ARHGAP28: variants seen among roughly 807,000 people sequenced by gnomAD.
ARHGAP28 encodes the protein Rho GTPase activating protein 28, also known as rho GTPase-activating protein 28.
A neutral mutation model predicts 90.7 loss-of-function variants in ARHGAP28; 56 were observed. That is an observed-to-expected ratio of 0.62 (90% CI 0.50 to 0.77). The LOEUF (loss-of-function observed/expected upper bound fraction) is 0.77. Ranked by LOEUF, ARHGAP28 falls within the 30% of genes least tolerant of loss-of-function variation. The pLI, the probability that ARHGAP28 is intolerant of heterozygous loss-of-function variation, is 0.00. For missense variants in ARHGAP28, 869 were observed against 900.9 expected (o/e 0.96, Z 0.45); for synonymous variants, 308 against 323.3 (o/e 0.95, Z 0.51).
chr18:6,880,909 T>C (rs1464961884), intron 10 of ARHGAP28, among the ~76,000 whole-genome samples: 1 of 152,372 alleles, frequency 6.6e-6, no homozygotes, highest in East Asian at 1.9e-4. Context: ...GAGCCCACTC[T>C]ATCTCTTTCA....
At chr18:6,911,332 CTG>C (rs2057397986) in intron 17 of ARHGAP28, among the ~76,000 whole-genome samples, 1 of 152,152 alleles carries the variant, frequency 6.6e-6, no homozygotes, top group Non-Finnish European at 1.5e-5. Context: ...TTCTCTAGCT[CTG>C]GTCAAGTACC....
At chr18:6,904,666 A>G (rs910731137) in intron 16 of ARHGAP28, among the ~76,000 whole-genome samples, 1 of 152,206 alleles carries the variant, frequency 6.6e-6, no homozygotes, top group Non-Finnish European at 1.5e-5. Context: ...TTAAAAAACA[A>G]TAAAATTGAT....
intron 1 of ARHGAP28, among the ~76,000 whole-genome samples, chr18:6,738,391 A>G (rs1345583833): frequency 6.6e-6 from 1 of 152,114 alleles, no homozygotes; most frequent in East Asian, 1.9e-4. Context: ...ATTTACTTAT[A>G]TACATTTATA....
At chr18:6,741,214 C>G (rs2143179079) in intron 1 of ARHGAP28, among the ~76,000 whole-genome samples, 1 of 152,196 alleles carries the variant, frequency 6.6e-6, no homozygotes, top group Non-Finnish European at 1.5e-5. Context: ...AGGGAAAGAG[C>G]TGACTGTAAG....
At chr18:6,890,819 G>A (rs531426003) in intron 14 of ARHGAP28, among the ~76,000 whole-genome samples, 10 of 152,246 alleles carry the variant, frequency 6.6e-5, no homozygotes, top group African/African-American at 1.9e-4. Context: ...AATGGTTCTC[G>A]CAAAAGCTGA....
chr18:6,803,336 T>A (rs1238765116), intron 1 of ARHGAP28, among the ~76,000 whole-genome samples: 1 of 152,224 alleles, frequency 6.6e-6, no homozygotes, highest in Non-Finnish European at 1.5e-5. Context: ...TATATTGCGA[T>A]GATCATGTGG....
chr18:6,841,125 C>CTCTCTCTCCTCTCTCTCTG (rs1567966234), intron 3 of ARHGAP28, among the ~76,000 whole-genome samples: 2 of 127,654 alleles, frequency 1.6e-5, no homozygotes, highest in Non-Finnish European at 3.6e-5. Context: ...TCTCTTCTCT[C>CTCTCTCTCCTCTCTCTCTG]TCTCTCTCCT....
chr18:6,747,680 A>G (rs991515724), intron 1 of ARHGAP28, among the ~76,000 whole-genome samples: 5 of 152,226 alleles, frequency 3.3e-5, no homozygotes, highest in Non-Finnish European at 5.9e-5. Flanking sequence ...GCTTCCCCAC[A>G]GAAAAAATAC....
rs1379366551 is a variant in ARHGAP28 at position 6,898,800 on chromosome 18, C to T, written c.2030+2174C>T. ...AACTCAGGAATGGAAAACCAAACAT[C>T]ATATGTTCTCACTCGTAAGTGGGAG... On this transcript the variant is annotated intron_variant, in intron 16 of 17. Transcript: ENST00000383472. 4 of 1,175,430 alleles carry T rather than the reference C, an allele frequency of 3.4e-6. No individual in the cohort carries two copies. The East Asian group carries it at 1.2e-4, about 36-fold the overall frequency. 72.8% of individuals were successfully genotyped at this position (1,175,430 alleles called of 1,614,324 possible). A position where few individuals can be genotyped will look rare whatever the true frequency, so the allele number is the denominator to read the frequency against.
chr18:6,883,649 A>G (rs914801845), intron 11 of ARHGAP28, among the ~76,000 whole-genome samples: 4 of 152,234 alleles, frequency 2.6e-5, no homozygotes, highest in African/African-American at 9.6e-5. Flanking sequence ...TAAAAATTAC[A>G]ATGAAAGAAA....
intron 9 of ARHGAP28, 115 bp downstream of exon 9, chr18:6,873,890 G>T: frequency 1.1e-6 from 1 of 881,020 alleles, no homozygotes; most frequent in Non-Finnish European, 1.8e-6. Flanking sequence ...CGCCCTATTA[G>T]GACTCAGGCC....
chr18:6,746,614 C>G (rs1190703969), intron 1 of ARHGAP28, among the ~76,000 whole-genome samples: 2 of 152,212 alleles, frequency 1.3e-5, no homozygotes, highest in Non-Finnish European at 2.9e-5. Flanking sequence ...CTGTTACAAT[C>G]TCTCATTTTT....
At chr18:6,873,647 C>CT (rs753816928) in intron 8 of ARHGAP28, 37 bp from the exon 9 acceptor site, 23,961 of 1,091,492 alleles carry the variant, frequency 0.022, no homozygotes, top group Non-Finnish European at 0.025. Context: ...TTTTCTAATT[C>CT]TTTTTTTTTT....
intron 1 of ARHGAP28, among the ~76,000 whole-genome samples, chr18:6,801,175 A>G (rs1427551035): frequency 6.6e-6 from 1 of 152,128 alleles, no homozygotes; most frequent in East Asian, 1.9e-4. Context: ...TCATTTTTGT[A>G]TATGGTGTGT....
At chr18:6,806,541 T>A (rs2056520573) in intron 1 of ARHGAP28, among the ~76,000 whole-genome samples, 1 of 152,138 alleles carries the variant, frequency 6.6e-6, no homozygotes, top group Non-Finnish European at 1.5e-5. Flanking sequence ...TATATATATA[T>A]GACAAAAATT....
At chr18:6,753,255 A>T (rs1290304223) in intron 1 of ARHGAP28, among the ~76,000 whole-genome samples, 1 of 152,250 alleles carries the variant, frequency 6.6e-6, no homozygotes, top group African/African-American at 2.4e-5. Flanking sequence ...TTGTAATTGC[A>T]AAAGCTTAAA....
intron 3 of ARHGAP28, among the ~76,000 whole-genome samples, chr18:6,848,496 T>A (rs764474472): frequency 6.6e-6 from 1 of 152,204 alleles, no homozygotes. Flanking sequence ...ACAGGATTTT[T>A]ATATATTAGC....
At position 6,809,751 on chromosome 18, in the gene ARHGAP28, C is replaced by G. The variant is rs79371210; in HGVS notation, c.123-15011C>G. On this transcript the variant is annotated intron_variant, in intron 1 of 17. Transcript: ENST00000383472. The stretch of plus-strand genomic sequence containing the variant: ...ATGATCCAATCACCTCTCACCAGGC[C>G]GCACCTCCAACATTGGGGATTACAA... 4.1e-4 allele frequency among the ~76,000 whole-genome samples: 63 copies of G among 152,222 alleles called. No homozygotes were observed. In the East Asian group the frequency reaches 0.012, roughly 28 times the overall value.
rs73382776 is a variant in ARHGAP28 at position 6,815,469 on chromosome 18, T to C, written c.123-9293T>C. Reference sequence around the variant, plus strand: ...ATTCTCATACATTTTTAAATTGAGATACAATTCATATAACATAAAATCTAC... The same window carrying C: ...ATTCTCATACATTTTTAAATTGAGACACAATTCATATAACATAAAATCTAC... On this transcript the variant is annotated intron_variant, in intron 1 of 17. Coordinates refer to ENST00000383472, the MANE Select transcript of ARHGAP28 (RefSeq NM_001366230.1). 8.1e-3 allele frequency among the ~76,000 whole-genome samples: 1,233 copies of C among 152,322 alleles called. 19 individuals carry two copies. Among genetic ancestry groups the C allele is most frequent in the African/African-American group, 0.029 (1,196 of 41,564 alleles).
Sources: allele counts gnomAD v4.1 joint callset (sites outside exome capture counted in the v4.1 genomes callset), GRCh38; gene constraint gnomAD v4.1.1; transcripts MANE v1.5; gene names NCBI Gene and HGNC (gene_info 2026-07-23, HGNC 2026-07-21).